The following EFHC2 variants were observed in gnomAD, a reference collection of about 807,000 sequenced individuals.
EFHC2 encodes the protein EF-hand domain-containing family member C2.
Under a neutral mutation model 52.7 loss-of-function variants are expected in EFHC2, and 18 were observed. The observed-to-expected ratio is 0.34, with a 90% confidence interval of 0.24 to 0.51. The LOEUF (loss-of-function observed/expected upper bound fraction) is 0.51, where lower values mean the gene tolerates loss of function less well. Among genes scored for constraint, EFHC2 ranks in the 20% least tolerant of loss-of-function variants. The probability of loss-of-function intolerance (pLI) is 0.97; values close to 1 mark genes in which losing one functional copy is unlikely to be tolerated. For synonymous variants in EFHC2, 203 were observed against 204.1 expected (o/e 0.99, Z 0.04); for missense variants, 513 against 562.5 (o/e 0.91, Z 0.89).
chrX:44,241,003 A>G (rs1230886468), intron 8 of EFHC2, among the ~76,000 whole-genome samples: 1 of 112,021 alleles, frequency 8.9e-6, no homozygotes, highest in Non-Finnish European at 1.9e-5. Flanking sequence ...TAGATACAAC[A>G]TAACTACTGT....
chrX:44,287,485 G>A (rs1417824276), intron 2 of EFHC2, among the ~76,000 whole-genome samples: 3 of 111,316 alleles, frequency 2.7e-5, no homozygotes, highest in African/African-American at 9.8e-5. Flanking sequence ...TATATCAAGA[G>A]TGGCCTAAAT....
At chrX:44,180,751 A>AATAC (rs1253460070) in intron 11 of EFHC2, among the ~76,000 whole-genome samples, 5 of 103,153 alleles carry the variant, frequency 4.8e-5, no homozygotes. Flanking sequence ...TAAATAAATA[A>AATAC]ATAAATAAAA....
chrX:44,219,460 C>A (rs948605862), intron 11 of EFHC2, among the ~76,000 whole-genome samples: 1 of 110,678 alleles, frequency 9.0e-6, no homozygotes, highest in African/African-American at 3.3e-5. Context: ...TTGAAATGCA[C>A]GAAAATTAAG....
rs754623410 is a variant in EFHC2, at chrX:44,248,897, T to C, written c.878A>G (p.Tyr293Cys). ...KLPKNCPPRV[Y>C]QPGQITDRAV... ...TCGATCTGTTATCTGGCCTGGTTGATAGACTCTAGGTGGGCAATTCTGGAA... is the reference window on the plus strand; with the variant it reads ...TCGATCTGTTATCTGGCCTGGTTGACAGACTCTAGGTGGGCAATTCTGGAA... The change falls in exon 6 of 15, where the codon TAT (tyrosine) becomes TGT (cysteine). Residue 293 changes from tyrosine (Y) to cysteine (C), a missense_variant. Transcript: ENST00000420999. 3 of 1,203,456 alleles carry C rather than the reference T, an allele frequency of 2.5e-6. No homozygotes were observed. Among genetic ancestry groups the C allele is most frequent in the Admixed American group, 2.2e-5 (1 of 45,254 alleles).
chrX:44,289,677 C>CTTTTT (rs1207899077), intron 2 of EFHC2, among the ~76,000 whole-genome samples: 142 of 72,256 alleles, frequency 2.0e-3, no homozygotes, highest in East Asian at 4.6e-3. Context: ...TCTTTTCTTT[C>CTTTTT]TTTTTTTTTT....
rs186059611 is a variant in EFHC2 at position 44,273,350 on chromosome X, C to A, written c.232-514G>T. ...AATGCCCTGGAGACCCCACCTTACACTTCGGGAACCTCAAGGAGCCTAGCC... is the reference window on the plus strand; with the variant it reads ...AATGCCCTGGAGACCCCACCTTACAATTCGGGAACCTCAAGGAGCCTAGCC... On this transcript the variant is annotated intron_variant, in intron 2 of 14. Coordinates refer to ENST00000420999, the MANE Select transcript of EFHC2 (RefSeq NM_025184.4). Among the ~76,000 whole-genome samples the A allele has an allele frequency of 9.4e-3, 1,055 of 111,741 alleles. 23 individuals carry two copies. The highest frequency in any genetic ancestry group is 0.065 in the Admixed American group (682 of 10,436).
chrX:44,205,683 T>C (rs774507644), intron 11 of EFHC2, among the ~76,000 whole-genome samples: 50 of 111,571 alleles, frequency 4.5e-4, no homozygotes, highest in Non-Finnish European at 6.2e-4. Flanking sequence ...GATTTAACTA[T>C]CCTAAATATA....
intron 14 of EFHC2, among the ~76,000 whole-genome samples, chrX:44,159,081 G>T (rs1187284012): frequency 8.9e-6 from 1 of 112,475 alleles, no homozygotes; most frequent in Non-Finnish European, 1.9e-5. Context: ...GAAAAGACAT[G>T]CTAACTCCAG....
intron 7 of EFHC2, 92 bp from the exon 8 acceptor site, chrX:44,242,381 A>G: frequency 2.0e-6 from 2 of 976,978 alleles, no homozygotes; most frequent in Non-Finnish European, 1.4e-6. Flanking sequence ...CAAGATGAAC[A>G]TGGAGATCTT....
At chrX:44,283,277 G>C (rs1328488914) in intron 2 of EFHC2, among the ~76,000 whole-genome samples, 1 of 111,709 alleles carries the variant, frequency 9.0e-6, no homozygotes, top group African/African-American at 3.3e-5. Flanking sequence ...CTGCCTCCCA[G>C]GTTCACGCCA....
intron 1 of EFHC2, among the ~76,000 whole-genome samples, chrX:44,324,900 C>T (rs73628342): frequency 0.082 from 9,204 of 111,757 alleles, 515 homozygotes; most frequent in African/African-American, 0.2. Flanking sequence ...ATCAGCCACA[C>T]GTAATTATTT....
intron 2 of EFHC2, chrX:44,284,873 C>T (rs2037739427): frequency 8.9e-6 from 1 of 111,979 alleles, no homozygotes; most frequent in African/African-American, 3.3e-5. Flanking sequence ...AATTCAAAAG[C>T]ACAAAGAAAA....
intron 1 of EFHC2, among the ~76,000 whole-genome samples, chrX:44,322,396 A>T (rs1301981689): frequency 8.9e-6 from 1 of 112,442 alleles, no homozygotes; most frequent in Non-Finnish European, 1.9e-5. Context: ...TTATTTTCAA[A>T]CAATCAGATA....
chrX:44,169,712 T>C (rs2036727963), intron 13 of EFHC2, among the ~76,000 whole-genome samples: 1 of 100,491 alleles, frequency 1.0e-5, no homozygotes, highest in Non-Finnish European at 2.0e-5. Context: ...AATCTATATA[T>C]AGCTACACAT....
Position 44,267,797 on chromosome X carries a change from C to T in EFHC2, c.382+4889G>A, listed in dbSNP as rs143224142. ...AACACTACCTACCCTGTCCCACTGA[C>T]GTCTGAACCACTGGCTCATTAAGTG... On this transcript the variant is annotated intron_variant, in intron 3 of 14. Coordinates refer to ENST00000420999, the MANE Select transcript of EFHC2 (RefSeq NM_025184.4). Among the ~76,000 whole-genome samples the T allele has an allele frequency of 2.9e-3, 323 of 112,040 alleles. 1 individual carries two copies. The highest frequency in any genetic ancestry group is 0.01 in the African/African-American group (314 of 30,840).
At chrX:44,168,642 T>C (rs1213275590) in intron 13 of EFHC2, among the ~76,000 whole-genome samples, 1 of 111,211 alleles carries the variant, frequency 9.0e-6, no homozygotes, top group Non-Finnish European at 1.9e-5. Context: ...AGAAATTCAA[T>C]GAAAGAAGCT....
chrX:44,277,281 A>AAAAAAAG (rs35893563), intron 2 of EFHC2, among the ~76,000 whole-genome samples: 3 of 102,470 alleles, frequency 2.9e-5, no homozygotes, highest in Admixed American at 1.1e-4. Flanking sequence ...AAAAAAAAAA[A>AAAAAAAG]TCTTACAGCT....
chrX:44,264,752 CTAAT>C (rs1426130324), intron 3 of EFHC2, among the ~76,000 whole-genome samples: 3 of 111,884 alleles, frequency 2.7e-5, no homozygotes, highest in Non-Finnish European at 3.8e-5. Context: ...ATTAAAATTT[CTAAT>C]TATCAGAATT....
At chrX:44,303,958 G>T (rs1048882142) in intron 2 of EFHC2, among the ~76,000 whole-genome samples, 1 of 112,261 alleles carries the variant, frequency 8.9e-6, no homozygotes, top group African/African-American at 3.2e-5. Context: ...AACAAATTAG[G>T]CTAACTAGGA....
Sources: gnomAD v4.1 joint callset for allele counts (sites outside exome capture counted in the v4.1 genomes callset) on GRCh38, gnomAD v4.1.1 for gene constraint, MANE v1.5 for transcripts, NCBI Gene and HGNC (gene_info 2026-07-23, HGNC 2026-07-21) for gene names.